ADGRE1: variants seen among roughly 807,000 people sequenced by gnomAD.
The protein encoded by ADGRE1 is EGF-like module receptor 1.
ADGRE1 carries 82 observed loss-of-function variants against 102.7 expected under a neutral mutation model. That is an observed-to-expected ratio of 0.80 (90% CI 0.67 to 0.96). The LOEUF (loss-of-function observed/expected upper bound fraction) is 0.96. ADGRE1 is among the 40% of genes least tolerant of loss of function. ADGRE1 has a pLI of 0.00. For synonymous variants in ADGRE1, 398 were observed against 399.6 expected (o/e 1.00, Z 0.05); for missense variants, 1,032 against 1,085.3 (o/e 0.95, Z 0.69).
intron 9 of ADGRE1, among the ~76,000 whole-genome samples, chr19:6,908,483 CT>C (rs1447741601): frequency 3.3e-5 from 5 of 151,986 alleles, no homozygotes; most frequent in African/African-American, 1.2e-4. Flanking sequence ...TTTATGTTTG[CT>C]TTTTTTATTC....
At chr19:6,905,623 T>C (rs1973924444) in intron 8 of ADGRE1, among the ~76,000 whole-genome samples, 1 of 152,036 alleles carries the variant, frequency 6.6e-6, no homozygotes, top group South Asian at 2.1e-4. Context: ...AGTGCTGGGA[T>C]TACAGGTGTG....
chr19:6,920,873 C>T (rs1225376060), intron 13 of ADGRE1, among the ~76,000 whole-genome samples: 1 of 152,160 alleles, frequency 6.6e-6, no homozygotes, highest in Non-Finnish European at 1.5e-5. Flanking sequence ...TCTCTGCTTA[C>T]TTGGTTTTTA....
intron 17 of ADGRE1, among the ~76,000 whole-genome samples, chr19:6,934,334 G>T (rs1204996513): frequency 6.6e-6 from 1 of 151,868 alleles, no homozygotes; most frequent in Non-Finnish European, 1.5e-5. Context: ...AAGTCCTGCT[G>T]TCTTGGTTCA....
chr19:6,890,051 T>A (rs552576451), intron 1 of ADGRE1, among the ~76,000 whole-genome samples: 61 of 152,234 alleles, frequency 4.0e-4, no homozygotes, highest in African/African-American at 1.4e-3. Flanking sequence ...TAGCTGGGGC[T>A]ACAAGTTGTC....
At chr19:6,935,451 A>G (rs1975363023) in intron 18 of ADGRE1, among the ~76,000 whole-genome samples, 1 of 152,216 alleles carries the variant, frequency 6.6e-6, no homozygotes, top group Non-Finnish European at 1.5e-5. Flanking sequence ...ATATGTGCAC[A>G]TTTACAAGAA....
chr19:6,898,676 G>C (rs1190427290), intron 5 of ADGRE1: 3 of 1,132,138 alleles, frequency 2.6e-6, no homozygotes, highest in Non-Finnish European at 3.9e-6. Context: ...TGTCAAGTTG[G>C]ATTCATCTCT....
At chr19:6,919,830 A>G (rs1265223412) in intron 13 of ADGRE1, 83 bp downstream of exon 13, 6 of 1,396,588 alleles carry the variant, frequency 4.3e-6, no homozygotes, top group Non-Finnish European at 6.0e-6. Context: ...CTCATTTTTT[A>G]CGGGAAGCTA....
intron 18 of ADGRE1, among the ~76,000 whole-genome samples, chr19:6,936,125 T>A (rs184449212): frequency 6.6e-6 from 1 of 152,128 alleles, no homozygotes; most frequent in African/African-American, 2.4e-5. Flanking sequence ...TTAAATATGT[T>A]TGAAAAGTTA....
At chr19:6,907,340 A>ATT (rs1358956907) in intron 9 of ADGRE1, among the ~76,000 whole-genome samples, 13 of 125,804 alleles carry the variant, frequency 1.0e-4, no homozygotes, top group African/African-American at 5.1e-4. Flanking sequence ...TAGTTCTAGA[A>ATT]ATTTTTTTTT....
chr19:6,903,868 G>A lies in ADGRE1; in HGVS notation c.720G>A (p.Gly240=). 2 of 1,614,160 alleles carry A rather than the reference G, an allele frequency of 1.2e-6. No individual in the cohort carries two copies. The highest frequency in any genetic ancestry group is 1.7e-6 in the Non-Finnish European group (2 of 1,180,038). The change falls in exon 7 of 21, where the codon GGG becomes GGA. Residue 240 remains glycine (G), a synonymous_variant. Coordinates refer to ENST00000312053, the MANE Select transcript of ADGRE1 (RefSeq NM_001974.5). ...ATTCAACATGCACCAACACTCCTGGGAGCTACTTTTGCACCTGCCACCCTG... is the reference window on the plus strand; with the variant it reads ...ATTCAACATGCACCAACACTCCTGGAAGCTACTTTTGCACCTGCCACCCTG... The part of the protein sequence containing the change: ...PINSTCTNTP[G]SYFCTCHPGF...
rs62123070 is a variant in ADGRE1, at chr19:6,891,554, C to T, written c.94+1011C>T. On this transcript the variant is annotated intron_variant, in intron 2 of 20. Transcript: ENST00000312053. ...CTGCAAGCTCCGCCTTCCAGGTTCA[C>T]GCCATTCTCCTGCCTCAGCCTCCCG... Among the ~76,000 whole-genome samples, 1,155 of 151,668 alleles carry T rather than the reference C, an allele frequency of 7.6e-3. 5 individuals carry two copies. Among genetic ancestry groups the T allele is most frequent in the Non-Finnish European group, 0.011 (779 of 67,892 alleles).
intron 12 of ADGRE1, among the ~76,000 whole-genome samples, chr19:6,918,810 C>T (rs1187802694): frequency 3.9e-5 from 6 of 152,080 alleles, no homozygotes; most frequent in African/African-American, 1.2e-4. Context: ...TTGCAACCTC[C>T]GCCTCCCAGG....
At chr19:6,932,635 A>G (rs1975210305) in intron 17 of ADGRE1, among the ~76,000 whole-genome samples, 1 of 151,980 alleles carries the variant, frequency 6.6e-6, no homozygotes, top group Admixed American at 6.5e-5. Context: ...TAGCTTCTCC[A>G]TTGCACTCAG....
In ADGRE1 at chr19:6,940,175, G is replaced by A. The variant is rs1457259501; in HGVS notation, c.*146G>A. ...GAACCCTCTGGGGAAGAATGTTGGGGGCGGTCTTCCTGTGGTTGTATGCAC... is the reference window on the plus strand; with the variant it reads ...GAACCCTCTGGGGAAGAATGTTGGGAGCGGTCTTCCTGTGGTTGTATGCAC... On this transcript the variant is annotated 3_prime_UTR_variant, in exon 21 of 21. Coordinates refer to ENST00000312053, the MANE Select transcript of ADGRE1 (RefSeq NM_001974.5). The A allele has an allele frequency of 1.4e-5, 14 of 976,084 alleles. 1 individual carries two copies. In the South Asian group the frequency reaches 1.9e-4, roughly 13 times the overall value. 60.5% of individuals were successfully genotyped at this position (976,084 alleles called of 1,614,324 possible). A position where few individuals can be genotyped will look rare whatever the true frequency, so the allele number is the denominator to read the frequency against.
intron 19 of ADGRE1, 47 bp downstream of exon 19, chr19:6,937,458 C>T (rs1975467638): frequency 7.3e-6 from 11 of 1,508,700 alleles, no homozygotes; most frequent in Non-Finnish European, 9.1e-6. Context: ...ATCCCCCTCT[C>T]CCCCCTTCCC....
intron 17 of ADGRE1, 139 bp downstream of exon 17, chr19:6,928,350 G>T: frequency 1.3e-6 from 2 of 1,541,342 alleles, no homozygotes; most frequent in East Asian, 2.4e-5. Context: ...TCCAGGCCGG[G>T]CGTGGTGGCT....
intron 17 of ADGRE1, among the ~76,000 whole-genome samples, chr19:6,928,956 A>G (rs1320173655): frequency 1.5e-5 from 2 of 129,434 alleles, no homozygotes; most frequent in Non-Finnish European, 3.3e-5. Context: ...AAAAAAAAAA[A>G]GTTCTCCCTT....
chr19:6,889,949 G>T (rs946970952), intron 1 of ADGRE1, among the ~76,000 whole-genome samples: 3 of 151,694 alleles, frequency 2.0e-5, no homozygotes, highest in Non-Finnish European at 4.4e-5. Context: ...TTTAGACAGG[G>T]TCACCTAGGC....
chr19:6,891,541 C>T (rs1237694791), intron 2 of ADGRE1, among the ~76,000 whole-genome samples: 1 of 151,684 alleles, frequency 6.6e-6, no homozygotes, highest in African/African-American at 2.4e-5. Context: ...GCAAGCTCCG[C>T]CTTCCAGGTT....
Sources: gnomAD v4.1 joint callset for allele counts (sites outside exome capture counted in the v4.1 genomes callset) on GRCh38, gnomAD v4.1.1 for gene constraint, MANE v1.5 for transcripts, NCBI Gene and HGNC (gene_info 2026-07-23, HGNC 2026-07-21) for gene names.